The following SNTG1 variants were observed in gnomAD, a reference collection of about 807,000 sequenced individuals.
SNTG1 encodes the protein syntrophin gamma 1.
SNTG1 carries 39 observed loss-of-function variants against 74.7 expected under a neutral mutation model. That is an observed-to-expected ratio of 0.52 (90% CI 0.40 to 0.68). The LOEUF (loss-of-function observed/expected upper bound fraction) is 0.68. Among genes scored for constraint, SNTG1 ranks in the 30% least tolerant of loss-of-function variants. The pLI is 0.00. For missense variants in SNTG1, 685 were observed against 609.5 expected (o/e 1.12, Z -1.30); for synonymous variants, 254 against 217.1 (o/e 1.17, Z -1.49).
chr8:50,027,157 C>T (rs780340885), intron 1 of SNTG1, among the ~76,000 whole-genome samples: 6 of 152,200 alleles, frequency 3.9e-5, no homozygotes, highest in Middle Eastern at 3.4e-3. Context: ...GGGGTGAAAG[C>T]GGGTGCTTTG....
intron 1 of SNTG1, among the ~76,000 whole-genome samples, chr8:50,017,172 G>A (rs978042056): frequency 2.6e-5 from 4 of 151,944 alleles, no homozygotes; most frequent in Non-Finnish European, 2.9e-5. Flanking sequence ...ATTGTCCTTA[G>A]GTCAATATCT....
At chr8:49,963,371 T>G (rs1810865876) in intron 1 of SNTG1, among the ~76,000 whole-genome samples, 1 of 152,222 alleles carries the variant, frequency 6.6e-6, no homozygotes, top group Admixed American at 6.5e-5. Flanking sequence ...TTGGCACGGC[T>G]GATTTTGTTT....
intron 1 of SNTG1, among the ~76,000 whole-genome samples, chr8:50,034,187 T>C (rs1013943849): frequency 6.6e-6 from 1 of 152,166 alleles, no homozygotes; most frequent in African/African-American, 2.4e-5. Flanking sequence ...TCCTTCTCAA[T>C]CCAAATAAAT....
Position 50,305,050 on chromosome 8 carries a change from G to A in SNTG1, c.-27-89162G>A, listed in dbSNP as rs140749460. Among the ~76,000 whole-genome samples the A allele has an allele frequency of 9.4e-3, 1,421 of 151,886 alleles. 29 individuals are homozygous for A. The highest frequency in any genetic ancestry group is 0.032 in the African/African-American group (1,340 of 41,422). ...CCCAGGTAGCTGGGATTACAGGTGCGGACCACTACAGCTGGCTAATTTTTG... is the reference window on the plus strand; with the variant it reads ...CCCAGGTAGCTGGGATTACAGGTGCAGACCACTACAGCTGGCTAATTTTTG... On this transcript the variant is annotated intron_variant, in intron 2 of 18. Coordinates refer to ENST00000642720, the MANE Select transcript of SNTG1 (RefSeq NM_018967.5).
At chr8:49,979,728 C>T (rs949657188) in intron 1 of SNTG1, among the ~76,000 whole-genome samples, 1 of 152,160 alleles carries the variant, frequency 6.6e-6, no homozygotes, top group African/African-American at 2.4e-5. Context: ...TCTCCCTGCC[C>T]GCCCTCGGAG....
chr8:50,199,218 CT>C (rs879822781), intron 2 of SNTG1, among the ~76,000 whole-genome samples: 3,729 of 133,384 alleles, frequency 0.028, 101 homozygotes, highest in African/African-American at 0.085. Context: ...ACTTAATTTC[CT>C]TTTTTTTTTT....
At chr8:50,425,902 G>T (rs1287297409) in intron 4 of SNTG1, among the ~76,000 whole-genome samples, 2 of 152,114 alleles carry the variant, frequency 1.3e-5, no homozygotes, top group African/African-American at 4.8e-5. Context: ...AATCCCAGTT[G>T]TTTTATATTC....
chr8:50,345,519 GTGCCTTACCT>G (rs1359146959), intron 2 of SNTG1, among the ~76,000 whole-genome samples: 1 of 152,110 alleles, frequency 6.6e-6, no homozygotes, highest in Non-Finnish European at 1.5e-5. Context: ...TATTTCCACT[GTGCCTTACCT>G]GGGAAGATAA....
At chr8:50,599,241 A>G (rs755081870) in intron 13 of SNTG1, among the ~76,000 whole-genome samples, 4 of 152,040 alleles carry the variant, frequency 2.6e-5, no homozygotes, top group Non-Finnish European at 5.9e-5. Flanking sequence ...TTTTAACAGT[A>G]CCATGCCATT....
chr8:50,581,349 A>G (rs543289925), intron 12 of SNTG1, among the ~76,000 whole-genome samples: 41 of 152,318 alleles, frequency 2.7e-4, no homozygotes, highest in African/African-American at 9.9e-4. Context: ...AATAAATTCT[A>G]TGGTCATGTT....
chr8:49,963,538 A>G lies in SNTG1; in HGVS notation c.-103+51307A>G, dbSNP rs76684955. 1.6e-3 allele frequency among the ~76,000 whole-genome samples: 248 copies of G among 152,334 alleles called. 1 individual carries two copies. The highest frequency in any genetic ancestry group is 3.1e-3 in the Admixed American group (47 of 15,298). On this transcript the variant is annotated intron_variant, in intron 1 of 18. Transcript: ENST00000642720. ...TATGTAGTATGCTCTCCAATAAATTAGAAGTCACTAGTCTTGCCTCTTTAC... is the reference window on the plus strand; with the variant it reads ...TATGTAGTATGCTCTCCAATAAATTGGAAGTCACTAGTCTTGCCTCTTTAC...
intron 2 of SNTG1, among the ~76,000 whole-genome samples, chr8:50,266,727 A>G (rs567576474): frequency 3.8e-3 from 19 of 4,944 alleles, no homozygotes; most frequent in African/African-American, 4.0e-3. Flanking sequence ...ATAAGAAATT[A>G]AATAAAGCAG....
At chr8:50,542,473 T>C (rs2094355796) in intron 11 of SNTG1, among the ~76,000 whole-genome samples, 1 of 152,112 alleles carries the variant, frequency 6.6e-6, no homozygotes, top group Non-Finnish European at 1.5e-5. Flanking sequence ...ATACTACACT[T>C]TCTTTAGCCA....
At chr8:50,736,749 C>T (rs559586208) in intron 17 of SNTG1, among the ~76,000 whole-genome samples, 8 of 151,958 alleles carry the variant, frequency 5.3e-5, no homozygotes, top group Non-Finnish European at 1.0e-4. Context: ...CAATCAAATT[C>T]GAACTCAGGA....
At chr8:50,684,096 AT>A (rs887872853) in intron 15 of SNTG1, among the ~76,000 whole-genome samples, 2 of 152,136 alleles carry the variant, frequency 1.3e-5, no homozygotes, top group African/African-American at 2.4e-5. Context: ...TGTTTGAATT[AT>A]TTTTTGGAGG....
At chr8:50,353,953 A>G (rs1199407748) in intron 2 of SNTG1, among the ~76,000 whole-genome samples, 2 of 152,198 alleles carry the variant, frequency 1.3e-5, no homozygotes, top group East Asian at 1.9e-4. Flanking sequence ...CAAAAGGACT[A>G]ATTGATAGTT....
chr8:50,244,090 G>C (rs2086284388), intron 2 of SNTG1, among the ~76,000 whole-genome samples: 1 of 152,116 alleles, frequency 6.6e-6, no homozygotes, highest in Non-Finnish European at 1.5e-5. Context: ...GACTCAGGGA[G>C]CTTTTACTCA....
chr8:50,697,329 G>A (rs1344805884), intron 15 of SNTG1, among the ~76,000 whole-genome samples: 2 of 152,092 alleles, frequency 1.3e-5, no homozygotes, highest in Non-Finnish European at 2.9e-5. Flanking sequence ...GTTTTTTGGT[G>A]TAGTCTTCAG....
chr8:50,642,122 C>T (rs1368316792), intron 13 of SNTG1, among the ~76,000 whole-genome samples: 2 of 152,236 alleles, frequency 1.3e-5, no homozygotes, highest in East Asian at 3.9e-4. Flanking sequence ...TTAATGGCCT[C>T]CTCCATTCTT....
Sources: gnomAD v4.1 joint callset for allele counts (sites outside exome capture counted in the v4.1 genomes callset) on GRCh38, gnomAD v4.1.1 for gene constraint, MANE v1.5 for transcripts, NCBI Gene and HGNC (gene_info 2026-07-23, HGNC 2026-07-21) for gene names.